Variants in SDK1 observed in about 807,000 individuals in gnomAD.
The protein encoded by SDK1 is sidekick cell adhesion molecule 1.
A neutral mutation model predicts 245.5 loss-of-function variants in SDK1; 157 were observed. The ratio of observed to expected loss-of-function variants is 0.64; its 90% confidence interval spans 0.56 to 0.73. The LOEUF is 0.73. SDK1 is among the 30% of genes least tolerant of loss of function. SDK1 has a pLI of 0.00. For missense variants in SDK1, 3,583 were observed against 3,002.3 expected, an observed-to-expected ratio of 1.19 and a Z score of -4.52; for synonymous variants, 1,647 against 1,278.5, an observed-to-expected ratio of 1.29 and a Z score of -6.15.
intron 1 of SDK1, among the ~76,000 whole-genome samples, chr7:3,436,139 A>G (rs1780016375): frequency 6.6e-6 from 1 of 152,186 alleles, no homozygotes; most frequent in South Asian, 2.1e-4. Flanking sequence ...ATGAACACTG[A>G]AGACATTTTT....
intron 40 of SDK1, among the ~76,000 whole-genome samples, chr7:4,229,995 T>G: frequency 7.4e-6 from 1 of 135,908 alleles, no homozygotes; most frequent in Non-Finnish European, 1.5e-5. Context: ...GAAGGAAGAA[T>G]GGATGGATAA....
intron 5 of SDK1, among the ~76,000 whole-genome samples, chr7:3,889,937 G>T (rs962692885): frequency 6.6e-6 from 1 of 152,102 alleles, no homozygotes; most frequent in Admixed American, 6.6e-5. Flanking sequence ...GAAACTCCCC[G>T]CTCCTCCTCC....
chr7:3,699,323 C>T (rs568966121), intron 4 of SDK1, among the ~76,000 whole-genome samples: 2 of 152,178 alleles, frequency 1.3e-5, no homozygotes, highest in South Asian at 4.1e-4. Context: ...GTCCGACCAG[C>T]ATTTTAAAGC....
At chr7:4,018,755 G>A (rs778507908) in intron 17 of SDK1, among the ~76,000 whole-genome samples, 2 of 152,176 alleles carry the variant, frequency 1.3e-5, no homozygotes, top group African/African-American at 4.8e-5. Flanking sequence ...CTTTTATTCA[G>A]TTGGCAGTGG....
intron 4 of SDK1, among the ~76,000 whole-genome samples, chr7:3,755,804 G>A (rs548613911): frequency 6.6e-6 from 1 of 152,264 alleles, no homozygotes; most frequent in African/African-American, 2.4e-5. Flanking sequence ...ACGTGGTATA[G>A]TGCATCTGAC....
At chr7:3,824,976 C>T (rs960531227) in intron 5 of SDK1, among the ~76,000 whole-genome samples, 2 of 152,114 alleles carry the variant, frequency 1.3e-5, no homozygotes, top group Admixed American at 6.5e-5. Flanking sequence ...CTGAACTCTC[C>T]ACCCCGCTGC....
At chr7:3,438,104 C>G (rs1046044137) in intron 1 of SDK1, among the ~76,000 whole-genome samples, 1 of 152,180 alleles carries the variant, frequency 6.6e-6, no homozygotes, top group African/African-American at 2.4e-5. Flanking sequence ...ATCTCTTGAC[C>G]TAGCCCCCTG....
chr7:3,821,487 A>T lies in SDK1; in HGVS notation c.751A>T (p.Thr251Ser). ...GGAGAATCAGCTGGTGATCCTCGCC[A>T]CCACAACCAGTGATGCCGGGGCATA... ...TLENQLVILA[T>S]TTSDAGAYYV... The change falls in exon 5 of 45, where the codon ACC (threonine) becomes TCC (serine). Residue 251 changes from threonine to serine, a missense_variant. Coordinates refer to ENST00000404826, the MANE Select transcript of SDK1 (RefSeq NM_152744.4). The T allele has an allele frequency of 6.2e-7, 1 of 1,613,788 alleles. No individual in the cohort carries two copies. The highest frequency in any genetic ancestry group is 1.3e-5 in the African/African-American group (1 of 75,030).
intron 4 of SDK1, among the ~76,000 whole-genome samples, chr7:3,677,276 G>C (rs59702115): frequency 6.6e-6 from 1 of 152,052 alleles, no homozygotes; most frequent in Non-Finnish European, 1.5e-5. Context: ...TTTGGCCCTG[G>C]ATTCTTCTTT....
At position 4,161,847 on chromosome 7, in the gene SDK1, A is replaced by T. The variant is rs770496442; in HGVS notation, c.4791A>T (p.Ile1597=). The change falls in exon 32 of 45, where the codon ATA becomes ATT. Residue 1597 remains isoleucine, a synonymous_variant. Coordinates refer to ENST00000404826, the MANE Select transcript of SDK1 (RefSeq NM_152744.4). ...CACACACCACGTCCTCTGTCCTGAT[A>T]CAGTGGCAGGTAAGAGCGCGGGGAA... is the stretch of plus-strand genomic sequence containing the variant. ...ATPHTTSSVL[I]QWQPPRDESL... 2 of 1,613,926 alleles carry T rather than the reference A, an allele frequency of 1.2e-6. No homozygotes were observed. Among genetic ancestry groups the T allele is most frequent in the African/African-American group, 2.7e-5 (2 of 74,934 alleles).
Position 3,568,810 on chromosome 7 carries a change from C to T in SDK1, c.299-50270C>T, listed in dbSNP as rs1780008464. Among the ~76,000 whole-genome samples the T allele has an allele frequency of 2.6e-5, 4 of 152,298 alleles. No individual in the cohort carries two copies. In the South Asian group the frequency reaches 6.2e-4, roughly 24 times the overall value. ...AATGGATCTGATCACCGGATCCCTT[C>T]AGGCACCACACAAATTCCAGCAAGT... is the stretch of plus-strand genomic sequence containing the variant. On this transcript the variant is annotated intron_variant, in intron 1 of 44. Coordinates refer to ENST00000404826, the MANE Select transcript of SDK1 (RefSeq NM_152744.4).
chr7:3,699,631 C>T (rs757590068), intron 4 of SDK1, among the ~76,000 whole-genome samples: 25 of 152,026 alleles, frequency 1.6e-4, no homozygotes, highest in Non-Finnish European at 3.2e-4. Context: ...CTCAGAGCCT[C>T]AGAGATTTCT....
chr7:3,605,414 A>G (rs1393707891), intron 1 of SDK1, among the ~76,000 whole-genome samples: 1 of 152,242 alleles, frequency 6.6e-6, no homozygotes, highest in Non-Finnish European at 1.5e-5. Flanking sequence ...CACAGTCGTC[A>G]GTGAACTGCT....
At chr7:4,011,233 C>G in intron 15 of SDK1, 120 bp downstream of exon 15, 1 of 1,245,152 alleles carries the variant, frequency 8.0e-7, no homozygotes, top group East Asian at 2.5e-5. Flanking sequence ...CTCAGGGAGA[C>G]GGGACAAACC....
intron 4 of SDK1, among the ~76,000 whole-genome samples, chr7:3,726,039 T>C (rs963558460): frequency 6.6e-6 from 1 of 152,262 alleles, no homozygotes; most frequent in Non-Finnish European, 1.5e-5. Flanking sequence ...TTGCTAAGTG[T>C]GCTTGAAGCA....
chr7:4,160,104 T>C (rs975865800), intron 31 of SDK1, among the ~76,000 whole-genome samples: 1 of 152,210 alleles, frequency 6.6e-6, no homozygotes, highest in African/African-American at 2.4e-5. Flanking sequence ...GTTAATCTAC[T>C]TAAAGTGGGG....
intron 1 of SDK1, among the ~76,000 whole-genome samples, chr7:3,475,082 A>G (rs891391243): frequency 2.6e-5 from 4 of 152,190 alleles, no homozygotes; most frequent in South Asian, 2.1e-4. Context: ...GATAATTTTA[A>G]AACACATTTA....
chr7:4,111,137 A>G (rs1002962444), intron 23 of SDK1, among the ~76,000 whole-genome samples: 1 of 152,214 alleles, frequency 6.6e-6, no homozygotes, highest in Non-Finnish European at 1.5e-5. Flanking sequence ...GTGTGCAAAC[A>G]AAGCAGATGT....
intron 1 of SDK1, among the ~76,000 whole-genome samples, chr7:3,425,737 T>G (rs1319691036): frequency 6.6e-6 from 1 of 152,178 alleles, no homozygotes; most frequent in Non-Finnish European, 1.5e-5. Flanking sequence ...AAAAAGACAG[T>G]CCTTTCTGGG....
Sources: gnomAD v4.1 joint callset for allele counts (sites outside exome capture counted in the v4.1 genomes callset) on GRCh38, gnomAD v4.1.1 for gene constraint, MANE v1.5 for transcripts, NCBI Gene and HGNC (gene_info 2026-07-23, HGNC 2026-07-21) for gene names.